The following DPP6 variants were observed in gnomAD, a reference collection of about 807,000 sequenced individuals.
The protein encoded by DPP6 is dipeptidyl peptidase like 6, also known as A-type potassium channel modulatory protein DPP6.
A neutral mutation model predicts 122.6 loss-of-function variants in DPP6; 69 were observed. That is an observed-to-expected ratio of 0.56 (90% CI 0.46 to 0.69). The LOEUF (loss-of-function observed/expected upper bound fraction) is 0.69, where lower values mean the gene tolerates loss of function less well. Among genes scored for constraint, DPP6 ranks in the 30% least tolerant of loss-of-function variants. The probability of loss-of-function intolerance (pLI) is 0.00; values close to 1 mark genes in which losing one functional copy is unlikely to be tolerated. For synonymous variants in DPP6, 418 were observed against 433.1 expected (o/e 0.97, Z 0.43); for missense variants, 928 against 1,116.9 (o/e 0.83, Z 2.41).
chr7:154,480,640 C>A (rs1001014519), intron 3 of DPP6, among the ~76,000 whole-genome samples: 20 of 152,248 alleles, frequency 1.3e-4, no homozygotes, highest in South Asian at 6.2e-4. Flanking sequence ...CCCTTGGTGT[C>A]TCCCTCCAGT....
intron 4 of DPP6, among the ~76,000 whole-genome samples, chr7:154,544,755 C>T (rs1023742355): frequency 6.6e-6 from 1 of 152,154 alleles, no homozygotes; most frequent in African/African-American, 2.4e-5. Flanking sequence ...GTTGTAACAG[C>T]TGGAATGTGG....
At chr7:154,628,585 C>G (rs1835223959) in intron 5 of DPP6, among the ~76,000 whole-genome samples, 2 of 152,154 alleles carry the variant, frequency 1.3e-5, no homozygotes, top group South Asian at 4.1e-4. Flanking sequence ...AACATGTCTT[C>G]CCAGAAAGAC....
At chr7:153,760,079 A>G in the DPP6 span, among the ~76,000 whole-genome samples, 1 of 152,124 alleles carries the variant, frequency 6.6e-6, no homozygotes, top group African/African-American at 2.4e-5. Context: ...ACATATCTCA[A>G]TGATGCTTTG....
At chr7:154,391,604 G>A (rs1034065813) in intron 1 of DPP6, among the ~76,000 whole-genome samples, 4 of 152,276 alleles carry the variant, frequency 2.6e-5, no homozygotes, top group African/African-American at 9.6e-5. Context: ...ACCCTCCCCT[G>A]TGGTTCCTCT....
the DPP6 span, among the ~76,000 whole-genome samples, chr7:153,787,140 T>C: frequency 0.25 from 30,124 of 118,734 alleles, 4,803 homozygotes; most frequent in South Asian, 0.32. Flanking sequence ...TTAGTAGAGA[T>C]GGGGTTTCAC....
At chr7:154,316,551 G>C (rs1807445498) in intron 1 of DPP6, among the ~76,000 whole-genome samples, 2 of 152,202 alleles carry the variant, frequency 1.3e-5, no homozygotes, top group Admixed American at 1.3e-4. Context: ...AGAAAAAGCA[G>C]ACTTGAACAA....
At chr7:153,799,953 T>C in the DPP6 span, among the ~76,000 whole-genome samples, 1 of 152,322 alleles carries the variant, frequency 6.6e-6, no homozygotes, top group South Asian at 2.1e-4. Flanking sequence ...AGGGGAATGC[T>C]AGTACACTTC....
intron 4 of DPP6, among the ~76,000 whole-genome samples, chr7:154,557,583 A>G (rs568904200): frequency 6.6e-6 from 1 of 152,284 alleles, no homozygotes; most frequent in African/African-American, 2.4e-5. Flanking sequence ...GGTCCTGGCC[A>G]TGAGACTATA....
intron 16 of DPP6, among the ~76,000 whole-genome samples, chr7:154,829,660 A>G (rs1477444627): frequency 6.6e-6 from 1 of 152,174 alleles, no homozygotes; most frequent in Non-Finnish European, 1.5e-5. Context: ...TTTTCAGCAG[A>G]TGGGGGCTAG....
chr7:154,137,654 GGGGT>G (rs1795631176), intron 1 of DPP6, among the ~76,000 whole-genome samples: 1 of 56,554 alleles, frequency 1.8e-5, no homozygotes. Flanking sequence ...GGGGGGTGGG[GGGGT>G]GGGGGGGGTG....
At chr7:154,095,953 TGA>T in intron 1 of DPP6, 1 of 134,806 alleles carries the variant, frequency 7.4e-6, no homozygotes, top group Non-Finnish European at 1.6e-5. Context: ...GAGTCCCAGG[TGA>T]GAGCTAAGTT....
intron 10 of DPP6, among the ~76,000 whole-genome samples, chr7:154,789,917 G>A (rs1317154945): frequency 6.6e-6 from 1 of 152,178 alleles, no homozygotes; most frequent in Non-Finnish European, 1.5e-5. Flanking sequence ...TGTATTTGGG[G>A]CCAGGCACAG....
intron 1 of DPP6, among the ~76,000 whole-genome samples, chr7:153,924,249 T>C (rs10232631): frequency 0.63 from 94,975 of 151,782 alleles, 30,118 homozygotes; most frequent in African/African-American, 0.72. Flanking sequence ...GCTGGGATTA[T>C]AGGCACATGT....
intron 1 of DPP6, among the ~76,000 whole-genome samples, chr7:154,394,590 C>G (rs890614915): frequency 7.2e-5 from 11 of 151,982 alleles, no homozygotes; most frequent in Admixed American, 6.6e-4. Flanking sequence ...AACAATTTCT[C>G]GAAGTCCTAT....
chr7:153,877,824 A>G, the DPP6 span, among the ~76,000 whole-genome samples: 1 of 152,216 alleles, frequency 6.6e-6, no homozygotes, highest in Non-Finnish European at 1.5e-5. Flanking sequence ...CATCATTTTA[A>G]TGGAAACCAA....
intron 1 of DPP6, among the ~76,000 whole-genome samples, chr7:153,932,355 A>T (rs1353644696): frequency 6.6e-6 from 1 of 152,024 alleles, no homozygotes; most frequent in Non-Finnish European, 1.5e-5. Flanking sequence ...TCCTGACCTC[A>T]GGTGATCTAC....
intron 16 of DPP6, among the ~76,000 whole-genome samples, chr7:154,835,768 A>G (rs1266780306): frequency 6.6e-6 from 1 of 152,154 alleles, no homozygotes; most frequent in African/African-American, 2.4e-5. Context: ...TCCAAGACAC[A>G]CTTTTCCTAT....
intron 1 of DPP6, among the ~76,000 whole-genome samples, chr7:154,060,628 C>G (rs1801654656): frequency 1.4e-5 from 2 of 147,676 alleles, no homozygotes; most frequent in East Asian, 2.0e-4. Flanking sequence ...TGAGGACCCC[C>G]ATCGCAGGAG....
intron 5 of DPP6, among the ~76,000 whole-genome samples, chr7:154,633,995 CCTTT>C (rs1184198846): frequency 6.9e-6 from 1 of 145,974 alleles, no homozygotes; most frequent in Non-Finnish European, 1.5e-5. Flanking sequence ...TTTGTTTCAG[CCTTT>C]CTTTTTTTTT....
Sources: allele counts gnomAD v4.1 joint callset (sites outside exome capture counted in the v4.1 genomes callset), GRCh38; gene constraint gnomAD v4.1.1; transcripts MANE v1.5; gene names NCBI Gene and HGNC (gene_info 2026-07-23, HGNC 2026-07-21).